The following ZNF557 variants were observed in gnomAD, a reference collection of about 807,000 sequenced individuals.
The protein encoded by ZNF557 is CTB-25J19.9.
In ZNF557, 19 loss-of-function variants were observed where a neutral mutation model predicts 21.2. The ratio of observed to expected loss-of-function variants is 0.90; its 90% CI spans 0.63 to 1.32. ZNF557 has a LOEUF of 1.32. ZNF557 is among the 40% of genes most tolerant of loss of function. The probability of loss-of-function intolerance (pLI) is 0.00; values close to 1 mark genes in which losing one functional copy is unlikely to be tolerated. For missense variants in ZNF557, 487 were observed against 519.8 expected, an observed-to-expected ratio of 0.94 and a Z score of 0.61; for synonymous variants, 207 against 194.8, an observed-to-expected ratio of 1.06 and a Z score of -0.52.
chr19:7,075,209 G>C (rs1977559991), intron 3 of ZNF557, 104 bp downstream of exon 3: 1 of 1,523,160 alleles, frequency 6.6e-7, no homozygotes, highest in Admixed American at 1.7e-5. Flanking sequence ...GGCAGGAGTG[G>C]AGCCCCAGGG....
chr19:7,071,689 T>A (rs928103120), intron 2 of ZNF557, among the ~76,000 whole-genome samples: 2 of 138,238 alleles, frequency 1.4e-5, no homozygotes, highest in African/African-American at 5.5e-5. Context: ...ACTAAAAATA[T>A]ATAAATTAGC....
chr19:7,073,145 TTGG>T (rs1343861292), intron 2 of ZNF557, among the ~76,000 whole-genome samples: 7 of 87,700 alleles, frequency 8.0e-5, no homozygotes, highest in African/African-American at 3.1e-4. Context: ...ATTTGTTTTT[TTGG>T]TTTTTTTTGT....
chr19:7,075,526 G>A, intron 3 of ZNF557, 129 bp from the exon 4 acceptor site: 1 of 871,834 alleles, frequency 1.1e-6, no homozygotes, highest in Non-Finnish European at 1.8e-6. Flanking sequence ...TGGAGTAGAG[G>A]TGGATGCTTT....
In ZNF557 at chr19:7,082,857, T is replaced by C. The variant is rs781149164; in HGVS notation, c.427-21T>C. On this transcript the variant is annotated intron_variant, in intron 7 of 7. Coordinates refer to ENST00000252840, the MANE Select transcript of ZNF557 (RefSeq NM_024341.3). The stretch of plus-strand genomic sequence containing the variant: ...TTAAAAATATTATAAATGGTACTTA[T>C]TGTCATCTCTTAATCAATAGGAGAG... 9.8e-6 allele frequency: 15 copies of C among 1,533,964 alleles called. No individual in the cohort carries two copies. The East Asian group carries it at 2.3e-4, about 23-fold the overall frequency.
chr19:7,077,779 G>A (rs532788691), intron 5 of ZNF557, among the ~76,000 whole-genome samples: 90 of 152,202 alleles, frequency 5.9e-4, no homozygotes, highest in African/African-American at 1.8e-3. Context: ...GACCAGCAAC[G>A]TATTAGTTTC....
At chr19:7,077,292 C>T (rs1214517079) in intron 5 of ZNF557, among the ~76,000 whole-genome samples, 1 of 151,904 alleles carries the variant, frequency 6.6e-6, no homozygotes, top group Non-Finnish European at 1.5e-5. Flanking sequence ...TGCGCCACCA[C>T]ACTCAGCAAA....
intron 2 of ZNF557, among the ~76,000 whole-genome samples, chr19:7,074,595 G>T (rs1472748928): frequency 6.6e-6 from 1 of 150,784 alleles, no homozygotes; most frequent in Non-Finnish European, 1.5e-5. Flanking sequence ...ATAGAAAATG[G>T]CTGGAGCTCT....
rs747717629 is a variant in ZNF557 at position 7,075,665 on chromosome 19, C to T, written c.42C>T (p.Ser14=). 2.5e-6 allele frequency: 4 copies of T among 1,613,472 alleles called. No homozygotes were observed. The East Asian group carries it at 8.9e-5, about 36-fold the overall frequency. Residue 14 remains serine, a synonymous_variant, in exon 4 of 8, where the codon TCC becomes TCT. Coordinates refer to ENST00000252840, the MANE Select transcript of ZNF557 (RefSeq NM_024341.3). ...VVLPPTAALS[S]LFPASQREGH... The stretch of plus-strand genomic sequence containing the variant: ...TTTCTCCTCCTCCAGCTCTGTCTTC[C>T]CTGTTCCCAGCCTCTCAGCGAGAAG...
chr19:7,081,116 G>C (rs963074586), intron 5 of ZNF557, among the ~76,000 whole-genome samples: 1 of 151,444 alleles, frequency 6.6e-6, no homozygotes, highest in African/African-American at 2.4e-5. Context: ...CCTGGGACCA[G>C]TTATCCTGCA....
intron 2 of ZNF557, among the ~76,000 whole-genome samples, chr19:7,073,692 A>T (rs187788748): frequency 5.3e-5 from 8 of 152,178 alleles, no homozygotes; most frequent in African/African-American, 1.7e-4. Context: ...ACCAGCGAAC[A>T]ACTGGCCTGT....
At chr19:7,073,583 T>A (rs1279088475) in intron 2 of ZNF557, among the ~76,000 whole-genome samples, 2 of 152,126 alleles carry the variant, frequency 1.3e-5, no homozygotes, top group Non-Finnish European at 2.9e-5. Flanking sequence ...AGAGACCAGA[T>A]GTCAGAGACA....
At chr19:7,071,531 G>C (rs1207831896) in intron 2 of ZNF557, among the ~76,000 whole-genome samples, 1 of 152,168 alleles carries the variant, frequency 6.6e-6, no homozygotes, top group Non-Finnish European at 1.5e-5. Context: ...AATGAAGCCA[G>C]AACGGCTATT....
chr19:7,070,609 A>G lies in ZNF557; in HGVS notation c.-124A>G, dbSNP rs1977437766. ...TCAGATTTGTGTTGAAACCAGCCTC[A>G]AGTTTCACCTATCCTCACTGATCCG... On this transcript the variant is annotated 5_prime_UTR_variant, in exon 2 of 8. Coordinates refer to ENST00000252840, the MANE Select transcript of ZNF557 (RefSeq NM_024341.3). 6.6e-6 allele frequency: 1 copy of G among 152,180 alleles called. No homozygotes were observed. The highest frequency in any genetic ancestry group is 2.4e-5 in the African/African-American group (1 of 41,444). The allele number at this position is 152,180 out of a possible 1,614,324, so 9.4% of individuals were successfully genotyped here.
At chr19:7,075,136 G>A (rs949319460) in intron 3 of ZNF557, 31 bp downstream of exon 3, 4 of 1,613,904 alleles carry the variant, frequency 2.5e-6, no homozygotes, top group Non-Finnish European at 2.5e-6. Context: ...AGTTCTCAGA[G>A]TCCAGGCTTG....
rs1977776748 is a variant in ZNF557 at position 7,083,824 on chromosome 19, T to A, written c.*80T>A. ...AGCAAACTCTAACAAGATGTATGAATCACCTGCTACTGTGTAACAAATTAC... is the reference window on the plus strand; with the variant it reads ...AGCAAACTCTAACAAGATGTATGAAACACCTGCTACTGTGTAACAAATTAC... On this transcript the variant is annotated 3_prime_UTR_variant, in exon 8 of 8. Coordinates refer to ENST00000252840, the MANE Select transcript of ZNF557 (RefSeq NM_024341.3). The A allele has an allele frequency of 1.3e-6, 2 of 1,496,146 alleles. No individual in the cohort carries two copies. The highest frequency in any genetic ancestry group is 2.8e-5 in the African/African-American group (2 of 71,318). 92.7% of individuals were successfully genotyped at this position (1,496,146 alleles called of 1,614,324 possible). A position where few individuals can be genotyped will look rare whatever the true frequency, so the allele number is the denominator to read the frequency against.
intron 5 of ZNF557, among the ~76,000 whole-genome samples, chr19:7,081,155 GT>G (rs1977692604): frequency 3.5e-4 from 4 of 11,456 alleles, no homozygotes; most frequent in Admixed American, 1.6e-3. Context: ...TGTGGGGTGT[GT>G]GTGTGTGTGT....
chr19:7,071,220 C>A (rs1977450224), intron 2 of ZNF557, among the ~76,000 whole-genome samples: 1 of 151,936 alleles, frequency 6.6e-6, no homozygotes, highest in Non-Finnish European at 1.5e-5. Flanking sequence ...TTCAACCTTC[C>A]AAGACATCTC....
chr19:7,072,700 G>A lies in ZNF557; in HGVS notation c.-80+2047G>A, dbSNP rs374697818. 6.6e-5 allele frequency among the ~76,000 whole-genome samples: 10 copies of A among 152,292 alleles called. No individual in the cohort carries two copies. The East Asian group carries it at 1.2e-3, about 18-fold the overall frequency. ...AAGACTCAATTCAAATGTTCTTAGT[G>A]TTTTTCCTTCCAAGGCTTCCCAGTC... On this transcript the variant is annotated intron_variant, in intron 2 of 7. Coordinates refer to ENST00000252840, the MANE Select transcript of ZNF557 (RefSeq NM_024341.3).
Position 7,081,420 on chromosome 19 carries a change from C to T in ZNF557, c.308C>T (p.Thr103Ile), listed in dbSNP as rs188311017. The change falls in exon 6 of 8, where the codon ACA becomes ATA. Residue 103 changes from threonine (T) to isoleucine (I), a missense_variant. By Grantham distance (89) the Thr-to-Ile change is moderately conservative. Transcript: ENST00000252840. ...CTGGAGCAAGAAGATAAAGTGATGA[C>T]AGAAGAGAGAGGAATTCTCTCAGGT... ...SQLEQEDKVM[T>I]EERGILSGTC... 1,015 of 1,613,780 alleles carry T rather than the reference C, an allele frequency of 6.3e-4. 9 individuals are homozygous for T. The African/African-American group carries it at 0.012, about 18-fold the overall frequency.
Sources: allele counts gnomAD v4.1 joint callset (sites outside exome capture counted in the v4.1 genomes callset), GRCh38; gene constraint gnomAD v4.1.1; transcripts MANE v1.5; gene names NCBI Gene and HGNC (gene_info 2026-07-23, HGNC 2026-07-21).